The following MCF2L2 variants were observed in gnomAD, a reference collection of about 807,000 sequenced individuals.
The protein encoded by MCF2L2 is MCF.2 cell line derived transforming sequence-like 2.
MCF2L2 carries 102 observed loss-of-function variants against 150.2 expected under a neutral mutation model. That is an observed-to-expected ratio of 0.68 (90% CI 0.58 to 0.80). The LOEUF (loss-of-function observed/expected upper bound fraction) is 0.80, where lower values mean the gene tolerates loss of function less well. Ranked by LOEUF, MCF2L2 falls within the 30% of genes least tolerant of loss-of-function variation. The pLI, the probability that MCF2L2 is intolerant of heterozygous loss-of-function variation, is 0.00. For synonymous variants in MCF2L2, 465 were observed against 491.3 expected (o/e 0.95, Z 0.71); for missense variants, 1,256 against 1,372.8 (o/e 0.91, Z 1.34).
In MCF2L2 at chr3:183,179,403, T is replaced by C. The variant is rs781673794; in HGVS notation, c.3322A>G (p.Arg1108Gly). The change falls in exon 30 of 30, where the codon AGG (arginine) becomes GGG (glycine). Residue 1108 changes from arginine (R) to glycine (G), a missense_variant. Coordinates refer to ENST00000328913, the MANE Select transcript of MCF2L2 (RefSeq NM_015078.4). The surrounding 1 kb of genome is among the most constrained non-coding windows in gnomAD (Gnocchi z 4.2). ...AGFQARALRP[R>G]TSAQES is the part of the protein sequence containing the mutation. ...GGTCAGCTCTCCTGGGCGGAGGTCC[T>C]CGGGCGCAGCGCCCTCGCCTGGAAA... 5.8e-6 allele frequency: 9 copies of C among 1,557,754 alleles called. No individual in the cohort carries two copies. The highest frequency in any genetic ancestry group is 7.0e-6 in the Non-Finnish European group (8 of 1,150,858).
At chr3:183,279,187 A>AT (rs57357171) in intron 14 of MCF2L2, among the ~76,000 whole-genome samples, 1 of 151,090 alleles carries the variant, frequency 6.6e-6, no homozygotes, top group Non-Finnish European at 1.5e-5. Flanking sequence ...ACACACACAC[A>AT]TTTTTTCATT....
chr3:183,291,643 G>A (rs909230190), intron 13 of MCF2L2, among the ~76,000 whole-genome samples: 1 of 152,196 alleles, frequency 6.6e-6, no homozygotes, highest in Admixed American at 6.5e-5. Context: ...CACAGACTCA[G>A]TTACTAAGGA....
At chr3:183,245,986 A>AAG (rs947426798) in intron 15 of MCF2L2, among the ~76,000 whole-genome samples, 1 of 152,200 alleles carries the variant, frequency 6.6e-6, no homozygotes, top group African/African-American at 2.4e-5. Flanking sequence ...TCTTTTTGGA[A>AAG]GAAGATGGGA....
chr3:183,376,355 A>G (rs1048113944), intron 3 of MCF2L2: 1 of 152,184 alleles, frequency 6.6e-6, no homozygotes, highest in Non-Finnish European at 1.5e-5. Flanking sequence ...GTAAAACTAG[A>G]CATCGAATTT....
chr3:183,257,669 TAAAGACAATGTCCAG>T (rs972222428), intron 15 of MCF2L2, among the ~76,000 whole-genome samples: 3 of 152,198 alleles, frequency 2.0e-5, no homozygotes, highest in African/African-American at 7.2e-5. Context: ...GTGTTGCTTC[TAAAGACAATGTCCAG>T]AATGGGACGT....
chr3:183,241,687 A>C (rs1724033019), intron 15 of MCF2L2, among the ~76,000 whole-genome samples: 1 of 152,196 alleles, frequency 6.6e-6, no homozygotes, highest in Non-Finnish European at 1.5e-5. Flanking sequence ...TATTAGGAGC[A>C]TGAGAATAGA....
chr3:183,407,487 T>C (rs958031457), intron 1 of MCF2L2, among the ~76,000 whole-genome samples: 13 of 152,224 alleles, frequency 8.5e-5, no homozygotes, highest in African/African-American at 3.1e-4. Flanking sequence ...ATGGATGATA[T>C]GTTAGTTTTA....
At chr3:183,317,692 C>T (rs955234888) in intron 7 of MCF2L2, among the ~76,000 whole-genome samples, 5 of 152,156 alleles carry the variant, frequency 3.3e-5, no homozygotes, top group African/African-American at 1.2e-4. Flanking sequence ...AATTTCAGCA[C>T]GTTCTGTCTT....
chr3:183,403,966 C>A (rs1285993850), intron 1 of MCF2L2, among the ~76,000 whole-genome samples: 1 of 152,040 alleles, frequency 6.6e-6, no homozygotes, highest in Non-Finnish European at 1.5e-5. Context: ...TGGTTTGAGG[C>A]TCAGCTAAGC....
chr3:183,351,772 C>A (rs1416369159), intron 3 of MCF2L2, among the ~76,000 whole-genome samples: 2 of 152,114 alleles, frequency 1.3e-5, no homozygotes, highest in Non-Finnish European at 1.5e-5. Context: ...AGATGATTAG[C>A]CTATGTCTTT....
chr3:183,364,488 C>A (rs930201729), intron 3 of MCF2L2, among the ~76,000 whole-genome samples: 3 of 151,894 alleles, frequency 2.0e-5, no homozygotes, highest in Non-Finnish European at 4.4e-5. Context: ...CCACTGCACT[C>A]CAGCCTGGGC....
rs1354377164 is a variant in MCF2L2 at position 183,295,421 on chromosome 3, C to T, written c.1554G>A (p.Lys518=). ...RLDDVQEIFH[K]RQVSLMKLAA... is the part of the protein sequence containing the mutation. Reference sequence around the variant, plus strand: ...CCAGTTTCATCAGACTCACTTGCCTCTTGTGAAATATTTCCTGGACATCAT... The same window carrying T: ...CCAGTTTCATCAGACTCACTTGCCTTTTGTGAAATATTTCCTGGACATCAT... The change falls in exon 13 of 30, where the codon AAG becomes AAA. Residue 518 remains lysine (K), a synonymous_variant. Coordinates refer to ENST00000328913, the MANE Select transcript of MCF2L2 (RefSeq NM_015078.4). 1.2e-6 allele frequency: 2 copies of T among 1,614,082 alleles called. No individual in the cohort carries two copies. Among genetic ancestry groups the T allele is most frequent in the Non-Finnish European group, 8.5e-7 (1 of 1,179,994 alleles).
intron 15 of MCF2L2, chr3:183,273,384 TATC>T (rs1316282034): frequency 3.1e-5 from 6 of 192,196 alleles, no homozygotes; most frequent in Middle Eastern, 2.2e-3. Context: ...ACTGAAAAAT[TATC>T]ATGAGATGTG....
At chr3:183,292,509 TATA>T (rs932132761) in intron 13 of MCF2L2, among the ~76,000 whole-genome samples, 3 of 151,870 alleles carry the variant, frequency 2.0e-5, no homozygotes, top group Non-Finnish European at 4.4e-5. Context: ...AATTCAAATC[TATA>T]ATAAGGAATG....
At chr3:183,308,303 G>T (rs1729200517) in intron 10 of MCF2L2, among the ~76,000 whole-genome samples, 1 of 151,698 alleles carries the variant, frequency 6.6e-6, no homozygotes, top group Non-Finnish European at 1.5e-5. Flanking sequence ...TTTTTGATGA[G>T]GCACTTTTTC....
chr3:183,341,720 C>A, intron 3 of MCF2L2, 90 bp from the exon 4 acceptor site: 6 of 853,718 alleles, frequency 7.0e-6, no homozygotes, highest in Non-Finnish European at 1.2e-5. Flanking sequence ...GAAGCCTCCA[C>A]AGCACTCCAG....
Position 183,216,163 on chromosome 3 carries a change from A to G in MCF2L2, c.2371-69T>C. The G allele has an allele frequency of 1.9e-6, 3 of 1,562,214 alleles. No homozygotes were observed. The South Asian group carries it at 3.5e-5, about 18-fold the overall frequency. On this transcript the variant is annotated intron_variant, in intron 21 of 29. Coordinates refer to ENST00000328913, the MANE Select transcript of MCF2L2 (RefSeq NM_015078.4). The stretch of plus-strand genomic sequence containing the variant: ...CTGCAAAGTGAAGAAGGAAAACAGG[A>G]CAGAGATGAGGAGCCAGGGATCCAG...
chr3:183,416,671 C>T (rs950547248), intron 1 of MCF2L2, among the ~76,000 whole-genome samples: 1 of 152,002 alleles, frequency 6.6e-6, no homozygotes, highest in African/African-American at 2.4e-5. Flanking sequence ...TATCTGTGGG[C>T]TCTGTATCCA....
chr3:183,311,724 T>C lies in MCF2L2; in HGVS notation c.802A>G (p.Ile268Val). 1.2e-6 allele frequency: 2 copies of C among 1,614,110 alleles called. No homozygotes were observed. Among genetic ancestry groups the C allele is most frequent in the Non-Finnish European group, 1.7e-6 (2 of 1,179,942 alleles). The stretch of plus-strand genomic sequence containing the variant: ...GGACATTTGGTTGCTGGTTCTTGGA[T>C]GCATGACAGCAATGTGGTCCCCTGC... ...GKQGTTLLSC[I>V]QEPATKCPNS... The change falls in exon 8 of 30, where the codon ATC (isoleucine) becomes GTC (valine). Residue 268 changes from isoleucine to valine, a missense_variant. Physicochemically the swap from Ile to Val is conservative, Grantham distance 29. Coordinates refer to ENST00000328913, the MANE Select transcript of MCF2L2 (RefSeq NM_015078.4).
Sources: allele counts gnomAD v4.1 joint callset (sites outside exome capture counted in the v4.1 genomes callset), GRCh38; gene constraint gnomAD v4.1.1; non-coding constraint Gnocchi (gnomAD v3.1); transcripts MANE v1.5; gene names NCBI Gene and HGNC (gene_info 2026-07-23, HGNC 2026-07-21).